AGO3: variants seen among roughly 807,000 people sequenced by gnomAD.
The protein encoded by AGO3 is protein argonaute-3.
Under a neutral mutation model 105.5 loss-of-function variants are expected in AGO3, and 16 were observed. The ratio of observed to expected loss-of-function variants is 0.15; its 90% CI spans 0.10 to 0.23. AGO3 has a LOEUF of 0.23. AGO3 is among the 10% of genes least tolerant of loss of function. The pLI is 1.00. For synonymous variants in AGO3, 340 were observed against 367.3 expected, an observed-to-expected ratio of 0.93 and a Z score of 0.85; for missense variants, 534 against 1,088.0, an observed-to-expected ratio of 0.49 and a Z score of 7.16.
intron 1 of AGO3, among the ~76,000 whole-genome samples, 195 bp downstream of exon 1, chr1:35,931,640 G>A (rs539979506): frequency 6.6e-6 from 1 of 152,356 alleles, no homozygotes; most frequent in Non-Finnish European, 1.5e-5. Context: ...CTGAGTCGGC[G>A]AAACTGCGAG....
chr1:36,011,064 A>G (rs1362238623), intron 9 of AGO3, among the ~76,000 whole-genome samples: 1 of 152,214 alleles, frequency 6.6e-6, no homozygotes, highest in African/African-American at 2.4e-5. Flanking sequence ...GGCGTTACCA[A>G]TACCGCTTTA....
chr1:35,987,203 C>T (rs534173561), intron 5 of AGO3, among the ~76,000 whole-genome samples: 2 of 151,892 alleles, frequency 1.3e-5, no homozygotes, highest in East Asian at 3.9e-4. Flanking sequence ...TGGCACGCAC[C>T]TGTAGTCCCA....
At chr1:35,994,755 A>G (rs1648110157) in intron 5 of AGO3, among the ~76,000 whole-genome samples, 1 of 152,218 alleles carries the variant, frequency 6.6e-6, no homozygotes, top group African/African-American at 2.4e-5. Flanking sequence ...TTTAAGTGCC[A>G]TTCATAACAT....
intron 1 of AGO3, among the ~76,000 whole-genome samples, chr1:35,933,508 G>A (rs1646092281): frequency 6.6e-6 from 1 of 151,834 alleles, no homozygotes; most frequent in African/African-American, 2.4e-5. Flanking sequence ...CGAGAATTGT[G>A]GCACATGTCT....
intron 1 of AGO3, among the ~76,000 whole-genome samples, chr1:35,943,009 G>GT (rs1191670222): frequency 1.1e-3 from 162 of 145,358 alleles, no homozygotes; most frequent in East Asian, 1.6e-3. Context: ...GACTGGTTTT[G>GT]TTTTTTTTTT....
chr1:35,953,727 G>C (rs533559312), intron 2 of AGO3, among the ~76,000 whole-genome samples: 36 of 152,060 alleles, frequency 2.4e-4, no homozygotes, highest in African/African-American at 8.4e-4. Flanking sequence ...GGCCAGGCTG[G>C]TCTCGAACCT....
chr1:36,043,438 C>T lies in AGO3; in HGVS notation c.2173-9C>T, dbSNP rs1642334383. ...CTTGTTTGTTTAAACTTTAACCAAA[C>T]AAATCTAGGTTGGAAGAAGTGGCAA... On this transcript the variant is annotated splice_polypyrimidine_tract_variant and intron_variant, in intron 16 of 18. Transcript: ENST00000373191. 6.2e-7 allele frequency: 1 copy of T among 1,608,342 alleles called. No individual in the cohort carries two copies.
At chr1:35,996,219 G>A (rs1639797789) in intron 5 of AGO3, among the ~76,000 whole-genome samples, 1 of 151,768 alleles carries the variant, frequency 6.6e-6, no homozygotes, top group African/African-American at 2.4e-5. Flanking sequence ...CAGCTTCTTA[G>A]GAGGATGAGG....
rs147087877 is a variant in AGO3, at chr1:35,936,405, A to G, written c.19+4960A>G. On this transcript the variant is annotated intron_variant, in intron 1 of 18. Transcript: ENST00000373191. ...GAAATGTCAGTTTAAGGAAATGAAG[A>G]ATTCCTTGTTTTTTGTTTGTTTGTT... is the stretch of plus-strand genomic sequence containing the variant. Among the ~76,000 whole-genome samples the G allele has an allele frequency of 2.4e-3, 360 of 152,238 alleles. 2 individuals carry two copies. Among genetic ancestry groups the G allele is most frequent in the African/African-American group, 8.1e-3 (337 of 41,536 alleles).
rs1451420273 is a variant in AGO3 at position 36,056,758 on chromosome 1, A to G, written c.*1013A>G. ...TTTCTTTTCTTTCTTTTTTTTTTTT[A>G]ATGAGACAGAGCCTCGCTCTGTCAC... On this transcript the variant is annotated 3_prime_UTR_variant, in exon 19 of 19. Coordinates refer to ENST00000373191, the MANE Select transcript of AGO3 (RefSeq NM_024852.4). The G allele has an allele frequency of 6.9e-6, 1 of 144,524 alleles. No individual in the cohort carries two copies. The highest frequency in any genetic ancestry group is 7.0e-5 in the Admixed American group (1 of 14,338). The allele number at this position is 144,524 out of a possible 1,614,324, so 9.0% of individuals were successfully genotyped here.
intron 14 of AGO3, among the ~76,000 whole-genome samples, chr1:36,037,357 A>G (rs1393468534): frequency 6.6e-6 from 1 of 152,042 alleles, no homozygotes; most frequent in Non-Finnish European, 1.5e-5. Context: ...CCCCATCTGT[A>G]TAAAAAATAC....
chr1:35,991,405 C>T (rs768301439), intron 5 of AGO3, among the ~76,000 whole-genome samples: 1 of 151,890 alleles, frequency 6.6e-6, no homozygotes, highest in Non-Finnish European at 1.5e-5. Flanking sequence ...GTGTTTGGTG[C>T]GCAGCTGTCT....
chr1:35,980,102 T>TAAA (rs1647025979), intron 5 of AGO3, among the ~76,000 whole-genome samples: 1 of 152,212 alleles, frequency 6.6e-6, no homozygotes, highest in Non-Finnish European at 1.5e-5. Flanking sequence ...TTTATACTTA[T>TAAA]ACCTTCATAT....
In AGO3 at chr1:36,039,753, A is replaced by T. The variant is rs553698486; in HGVS notation, c.1843-37A>T. ...GTAATTTTGATTATCATTTATTTTT[A>T]TTTATTTATTTATTTATTTTACTTT... On this transcript the variant is annotated intron_variant, in intron 14 of 18. Transcript: ENST00000373191. 1.5e-3 allele frequency: 1,707 copies of T among 1,149,470 alleles called. 2 individuals are homozygous for T. The highest frequency in any genetic ancestry group is 1.8e-3 in the Non-Finnish European group (1,584 of 878,148). 71.2% of individuals were successfully genotyped at this position (1,149,470 alleles called of 1,614,324 possible).
At chr1:35,978,365 T>G (rs2148780715) in intron 5 of AGO3, among the ~76,000 whole-genome samples, 1 of 152,268 alleles carries the variant, frequency 6.6e-6, no homozygotes, top group East Asian at 1.9e-4. Context: ...AATTTTTTTG[T>G]ATTTTTAGTA....
chr1:35,992,138 C>G (rs889003535), intron 5 of AGO3: 8 of 152,248 alleles, frequency 5.3e-5, no homozygotes, highest in Non-Finnish European at 1.5e-5. Flanking sequence ...TGCCTGCATT[C>G]TGGAAGCCTA....
rs548477126 is a variant in AGO3, at chr1:36,027,869, TA to T, written c.1591+573del. 9.9e-5 allele frequency among the ~76,000 whole-genome samples: 15 copies of T among 152,272 alleles called. No homozygotes were observed. The East Asian group carries it at 2.7e-3, about 27-fold the overall frequency. On this transcript the variant is annotated intron_variant, in intron 12 of 18. Coordinates refer to ENST00000373191, the MANE Select transcript of AGO3 (RefSeq NM_024852.4). This position sits in a 1 kb window ranked among gnomAD's most constrained non-coding sequence, Gnocchi z 4.0. ...TTATTGAATAAAAATGGCATTGAGA[TA>T]ATTTGAGTATCAGTATAATGTAGTG...
At chr1:36,028,391 T>TCCCCCCCCCCCCCCCCCCCCCC (rs771926822) in intron 12 of AGO3, among the ~76,000 whole-genome samples, 4 of 57,178 alleles carry the variant, frequency 7.0e-5, no homozygotes, top group Non-Finnish European at 9.9e-5. Context: ...ATGCTATCCC[T>TCCCCCCCCCCCCCCCCCCCCCC]CCCCCCCCCC....
chr1:36,050,451 A>C (rs963508052), intron 17 of AGO3, among the ~76,000 whole-genome samples: 6 of 151,972 alleles, frequency 3.9e-5, no homozygotes, highest in Admixed American at 2.0e-4. Context: ...ACGCCACTGC[A>C]CTCCAGCCTG....
Sources: allele counts gnomAD v4.1 joint callset (sites outside exome capture counted in the v4.1 genomes callset), GRCh38; gene constraint gnomAD v4.1.1; non-coding constraint Gnocchi (gnomAD v3.1); transcripts MANE v1.5; gene names NCBI Gene and HGNC (gene_info 2026-07-23, HGNC 2026-07-21).